The following GNAI1 variants were observed in gnomAD, a reference collection of about 807,000 sequenced individuals.
GNAI1 encodes G protein subunit alpha i1.
Under a neutral mutation model 38.9 loss-of-function variants are expected in GNAI1, and 11 were observed. The ratio of observed to expected loss-of-function variants is 0.28; its 90% confidence interval spans 0.18 to 0.47. The LOEUF is 0.47. GNAI1 is among the 20% of genes least tolerant of loss of function. The pLI, the probability that GNAI1 is intolerant of heterozygous loss-of-function variation, is 0.99. For synonymous variants in GNAI1, 166 were observed against 145.1 expected (o/e 1.14, Z -1.04); for missense variants, 317 against 436.9 (o/e 0.73, Z 2.45).
intron 1 of GNAI1, among the ~76,000 whole-genome samples, chr7:80,152,461 G>A (rs1430122709): frequency 6.6e-6 from 1 of 151,870 alleles, no homozygotes; most frequent in Admixed American, 6.6e-5. Flanking sequence ...ACTAAGTTAT[G>A]CATATCCATT....
chr7:80,220,879 G>A lies in GNAI1; in HGVS notation c.*3386G>A, dbSNP rs771092782. On this transcript the variant is annotated 3_prime_UTR_variant, in exon 8 of 8. Transcript: ENST00000649796. ...GTAGTGTTTCGCCTATCCCCACTCT[G>A]CCCTTGAGTTCCTCTGAGCCATAAT... Among the ~76,000 whole-genome samples the A allele has an allele frequency of 2.8e-4, 42 of 152,082 alleles. No individual in the cohort carries two copies. The highest frequency in any genetic ancestry group is 6.5e-4 in the Admixed American group (10 of 15,270).
At chr7:80,143,207 A>C (rs992339520) in intron 1 of GNAI1, among the ~76,000 whole-genome samples, 3 of 152,268 alleles carry the variant, frequency 2.0e-5, no homozygotes, top group Non-Finnish European at 4.4e-5. Context: ...TCCTTAAGAG[A>C]ATTTACAGTC....
intron 1 of GNAI1, among the ~76,000 whole-genome samples, chr7:80,160,276 C>T (rs907113108): frequency 2.0e-5 from 3 of 151,684 alleles, no homozygotes; most frequent in African/African-American, 4.8e-5. Context: ...CCATGGAGCC[C>T]AGCTTCTCTG....
intron 3 of GNAI1, among the ~76,000 whole-genome samples, chr7:80,197,179 G>GT (rs1788592356): frequency 9.1e-6 from 1 of 109,308 alleles, no homozygotes; most frequent in African/African-American, 3.1e-5. Flanking sequence ...TGTTTCTGTG[G>GT]ATTTTTTTTT....
At chr7:80,198,557 A>G (rs765884669) in intron 3 of GNAI1, among the ~76,000 whole-genome samples, 6 of 152,104 alleles carry the variant, frequency 3.9e-5, no homozygotes, top group Admixed American at 6.6e-5. Flanking sequence ...TCCTCTATGT[A>G]TATCATGAGT....
intron 1 of GNAI1, chr7:80,135,850 T>C: frequency 6.1e-5 from 60 of 985,262 alleles, no homozygotes; most frequent in Non-Finnish European, 7.1e-5. Context: ...CAAGGAGCGC[T>C]GATTACATTC....
intron 3 of GNAI1, among the ~76,000 whole-genome samples, chr7:80,191,888 T>C (rs1264467378): frequency 6.6e-6 from 1 of 152,248 alleles, no homozygotes; most frequent in Non-Finnish European, 1.5e-5. Flanking sequence ...TTAGGTGTTA[T>C]CAACATTTCA....
At chr7:80,212,637 C>CAGT (rs1788894228) in intron 6 of GNAI1, 79 bp from the exon 7 acceptor site, 1 of 803,818 alleles carries the variant, frequency 1.2e-6, no homozygotes. Context: ...TGTTTTATTA[C>CAGT]AACACCTTTT....
Position 80,153,890 on chromosome 7 carries a change from T to C in GNAI1, c.118+18612T>C, listed in dbSNP as rs572335542. 4.6e-5 allele frequency among the ~76,000 whole-genome samples: 7 copies of C among 152,316 alleles called. No homozygotes were observed. In the East Asian group the frequency reaches 1.2e-3, roughly 25 times the overall value. On this transcript the variant is annotated intron_variant, in intron 1 of 7. Transcript: ENST00000649796. ...TACATTTCTATGGAAATTAGGCTTA[T>C]ATAGTCACTGAACTGATTATTTTTT...
intron 1 of GNAI1, among the ~76,000 whole-genome samples, chr7:80,168,739 C>T (rs1788055228): frequency 6.6e-6 from 1 of 152,152 alleles, no homozygotes; most frequent in South Asian, 2.1e-4. Context: ...TGTTGTTCAC[C>T]ATCACCAGTG....
At chr7:80,182,282 TA>T (rs1285030740) in intron 1 of GNAI1, among the ~76,000 whole-genome samples, 1 of 152,202 alleles carries the variant, frequency 6.6e-6, no homozygotes, top group Non-Finnish European at 1.5e-5. Flanking sequence ...ATAAGTTGGC[TA>T]TTGTGAATAA....
Position 80,221,414 on chromosome 7 carries a change from A to C in GNAI1, c.*3921A>C, listed in dbSNP as rs57365150. On this transcript the variant is annotated 3_prime_UTR_variant, in exon 8 of 8. Coordinates refer to ENST00000649796, the MANE Select transcript of GNAI1 (RefSeq NM_002069.6). Reference sequence around the variant, plus strand: ...ATAGTTTTAAGGTGCCTTTAAAATCATAATCAGTGCTTAACAAATGGTTGT... The same window carrying C: ...ATAGTTTTAAGGTGCCTTTAAAATCCTAATCAGTGCTTAACAAATGGTTGT... Among the ~76,000 whole-genome samples the C allele has an allele frequency of 0.011, 1,642 of 152,286 alleles. 24 individuals carry two copies. Among genetic ancestry groups the C allele is most frequent in the African/African-American group, 0.036 (1,514 of 41,552 alleles).
At chr7:80,146,587 T>G (rs1584005922) in intron 1 of GNAI1, among the ~76,000 whole-genome samples, 1 of 152,146 alleles carries the variant, frequency 6.6e-6, no homozygotes, top group African/African-American at 2.4e-5. Flanking sequence ...AGAAGTAATT[T>G]TGAATCTTTC....
At chr7:80,138,782 C>T (rs543435035) in intron 1 of GNAI1, among the ~76,000 whole-genome samples, 247 of 152,212 alleles carry the variant, frequency 1.6e-3, no homozygotes, top group Middle Eastern at 0.014. Flanking sequence ...CCTTCCGCTC[C>T]ACTCCCCCTC....
At chr7:80,193,445 G>A (rs1177468559) in intron 3 of GNAI1, among the ~76,000 whole-genome samples, 1 of 152,172 alleles carries the variant, frequency 6.6e-6, no homozygotes, top group Non-Finnish European at 1.5e-5. Flanking sequence ...TTCAAGGCTT[G>A]CATAGAGCAG....
At chr7:80,198,149 C>T (rs189320684) in intron 3 of GNAI1, among the ~76,000 whole-genome samples, 1 of 151,816 alleles carries the variant, frequency 6.6e-6, no homozygotes, top group East Asian at 1.9e-4. Context: ...TAGCTACTAT[C>T]CGCATGTGGC....
intron 5 of GNAI1, among the ~76,000 whole-genome samples, chr7:80,209,987 A>T (rs1788845730): frequency 6.6e-6 from 1 of 152,174 alleles, no homozygotes; most frequent in African/African-American, 2.4e-5. Flanking sequence ...TAGTTGATGT[A>T]CTCAAATTTG....
At chr7:80,156,080 A>G (rs113129216) in intron 1 of GNAI1, among the ~76,000 whole-genome samples, 1 of 150,344 alleles carries the variant, frequency 6.7e-6, no homozygotes, top group Admixed American at 6.6e-5. Context: ...AAGCAAGCTG[A>G]TGTACATATC....
chr7:80,189,644 T>C (rs2115634474), intron 3 of GNAI1, among the ~76,000 whole-genome samples: 1 of 152,352 alleles, frequency 6.6e-6, no homozygotes, highest in South Asian at 2.1e-4. Flanking sequence ...AAAAGCAATC[T>C]AATCTCGAAT....
Sources: gnomAD v4.1 joint callset for allele counts (sites outside exome capture counted in the v4.1 genomes callset) on GRCh38, gnomAD v4.1.1 for gene constraint, MANE v1.5 for transcripts, NCBI Gene and HGNC (gene_info 2026-07-23, HGNC 2026-07-21) for gene names.